SRGAP1: variants seen among roughly 807,000 people sequenced by gnomAD.
SRGAP1 encodes the protein SLIT-ROBO Rho GTPase activating protein 1.
A neutral mutation model predicts 121.9 loss-of-function variants in SRGAP1; 43 were observed. The ratio of observed to expected loss-of-function variants is 0.35; its 90% CI spans 0.28 to 0.46. The LOEUF (loss-of-function observed/expected upper bound fraction) is 0.46. SRGAP1 is among the 20% of genes least tolerant of loss of function. The probability of loss-of-function intolerance (pLI) is 1.00; values close to 1 mark genes in which losing one functional copy is unlikely to be tolerated. For missense variants in SRGAP1, 1,102 were observed against 1,350.9 expected (o/e 0.82, Z 2.89); for synonymous variants, 447 against 485.4 (o/e 0.92, Z 1.04).
At chr12:64,136,346 G>T (rs1257377026) in intron 21 of SRGAP1, among the ~76,000 whole-genome samples, 4 of 152,276 alleles carry the variant, frequency 2.6e-5, no homozygotes, top group African/African-American at 9.6e-5. Flanking sequence ...CAGCCAGGGT[G>T]ACAGACCAAG....
In SRGAP1 at chr12:64,078,930, G is replaced by A. The variant is rs61756190; in HGVS notation, c.1137G>A (p.Thr379=). The A allele has an allele frequency of 1.6e-3, 2,518 of 1,613,380 alleles. 35 individuals carry two copies. In the African/African-American group the frequency reaches 0.029, roughly 18 times the overall value. ...LKIENEEVKK[T]TEATLQTIQD... ...ATTTCTATTCCCAGGTTAAGAAAAC[G>A]ACTGAAGCCACCTTGCAGACGATAC... The change falls in exon 9 of 22, where the codon ACG becomes ACA. Residue 379 remains threonine, a synonymous_variant. Coordinates refer to ENST00000355086, the MANE Select transcript of SRGAP1 (RefSeq NM_020762.4).
chr12:63,861,579 A>C (rs1250880749), intron 1 of SRGAP1, among the ~76,000 whole-genome samples: 1 of 152,242 alleles, frequency 6.6e-6, no homozygotes, highest in Admixed American at 6.5e-5. Flanking sequence ...GAATACAGGC[A>C]TGAACCACTG....
rs1189047004 is a variant in SRGAP1 at position 64,120,086 on chromosome 12, T to C, written c.2224+4193T>C. Among the ~76,000 whole-genome samples the C allele has an allele frequency of 2.6e-5, 4 of 152,172 alleles. No homozygotes were observed. In the East Asian group the frequency reaches 7.7e-4, roughly 29 times the overall value. On this transcript the variant is annotated intron_variant, in intron 18 of 21. Coordinates refer to ENST00000355086, the MANE Select transcript of SRGAP1 (RefSeq NM_020762.4). Reference sequence around the variant, plus strand: ...GTGCCCAGCCTTTAAATATTATTTCTTTCTACAAGTTGTATTTGATGTGCT... The same window carrying C: ...GTGCCCAGCCTTTAAATATTATTTCCTTCTACAAGTTGTATTTGATGTGCT...
intron 1 of SRGAP1, among the ~76,000 whole-genome samples, chr12:63,963,463 G>A (rs928943003): frequency 5.9e-5 from 9 of 152,290 alleles, no homozygotes; most frequent in African/African-American, 2.2e-4. Context: ...ATTTTGATAT[G>A]TGTGTACAAT....
At chr12:63,924,433 C>T (rs2031182912) in intron 1 of SRGAP1, among the ~76,000 whole-genome samples, 1 of 152,162 alleles carries the variant, frequency 6.6e-6, no homozygotes, top group African/African-American at 2.4e-5. Context: ...TGTGATTATT[C>T]TTCCTTTGTT....
chr12:63,936,327 TC>T lies in SRGAP1; in HGVS notation c.68-47616del, dbSNP rs1459891312. On this transcript the variant is annotated intron_variant, in intron 1 of 21. Coordinates refer to ENST00000355086, the MANE Select transcript of SRGAP1 (RefSeq NM_020762.4). ...ATTACTGCATCAGAGACAAGTTGCC[TC>T]CCCAGTAAGCATATTCCCTTTCTAT... Among the ~76,000 whole-genome samples the T allele has an allele frequency of 1.7e-4, 26 of 152,280 alleles. No homozygotes were observed. In the East Asian group the frequency reaches 4.8e-3, roughly 28 times the overall value.
chr12:64,141,406 C>G (rs2036961144), intron 21 of SRGAP1, among the ~76,000 whole-genome samples: 2 of 151,754 alleles, frequency 1.3e-5, no homozygotes, highest in South Asian at 2.1e-4. Flanking sequence ...ATGGTGAAAC[C>G]CCGTCTCTAG....
intron 4 of SRGAP1, chr12:64,038,649 A>C (rs551397136): frequency 1.3e-5 from 2 of 152,364 alleles, no homozygotes; most frequent in African/African-American, 4.8e-5. Flanking sequence ...AGTAAGAAAA[A>C]AATATTAACT....
At chr12:64,132,002 C>T (rs866659035) in intron 21 of SRGAP1, among the ~76,000 whole-genome samples, 1 of 152,118 alleles carries the variant, frequency 6.6e-6, no homozygotes, top group African/African-American at 2.4e-5. Flanking sequence ...TGGTGAAACC[C>T]GATCTCTACT....
At chr12:63,981,579 C>A (rs937589386) in intron 1 of SRGAP1, among the ~76,000 whole-genome samples, 1 of 152,208 alleles carries the variant, frequency 6.6e-6, no homozygotes. Flanking sequence ...GGCAAACATG[C>A]TGATTATAAT....
At chr12:63,899,977 A>C (rs1341497812) in intron 1 of SRGAP1, among the ~76,000 whole-genome samples, 3 of 152,180 alleles carry the variant, frequency 2.0e-5, no homozygotes, top group Non-Finnish European at 2.9e-5. Context: ...TACTGTCAAA[A>C]AACTTTCTAG....
intron 4 of SRGAP1, among the ~76,000 whole-genome samples, chr12:64,041,606 T>C (rs1427518036): frequency 6.6e-6 from 1 of 151,656 alleles, no homozygotes; most frequent in Non-Finnish European, 1.5e-5. Flanking sequence ...GGTCTCAAAC[T>C]CTTAGTTAGG....
Position 63,951,360 on chromosome 12 carries a change from C to T in SRGAP1, c.68-32587C>T, listed in dbSNP as rs554441354. Among the ~76,000 whole-genome samples, 232 of 151,982 alleles carry T rather than the reference C, an allele frequency of 1.5e-3. 1 individual carries two copies. The highest frequency in any genetic ancestry group is 5.2e-3 in the African/African-American group (214 of 41,446). The stretch of plus-strand genomic sequence containing the variant: ...TGTATTTTTAGTAGAGACGAGGTTT[C>T]GCCATGTTGGCCAGGCTGGTCTCGA... On this transcript the variant is annotated intron_variant, in intron 1 of 21. Transcript: ENST00000355086.
At chr12:64,107,171 G>T (rs755560399) in intron 15 of SRGAP1, among the ~76,000 whole-genome samples, 2 of 152,020 alleles carry the variant, frequency 1.3e-5, no homozygotes, top group African/African-American at 4.8e-5. Flanking sequence ...TAGATTTTTC[G>T]TACCTTTTCA....
chr12:63,898,857 G>A (rs534006928), intron 1 of SRGAP1, among the ~76,000 whole-genome samples: 3 of 152,240 alleles, frequency 2.0e-5, no homozygotes, highest in Non-Finnish European at 2.9e-5. Flanking sequence ...GAAACCTCAC[G>A]TGTTTGCCTT....
At chr12:64,051,710 G>T (rs1438086670) in intron 6 of SRGAP1, among the ~76,000 whole-genome samples, 1 of 151,988 alleles carries the variant, frequency 6.6e-6, no homozygotes, top group Admixed American at 6.6e-5. Context: ...ATTTTTATCT[G>T]TTTGAGATAA....
At chr12:64,003,241 C>G (rs1317149489) in intron 3 of SRGAP1, among the ~76,000 whole-genome samples, 1 of 151,934 alleles carries the variant, frequency 6.6e-6, no homozygotes, top group Non-Finnish European at 1.5e-5. Context: ...TGTACACCAC[C>G]ATGCCCGGCT....
Position 63,989,951 on chromosome 12 carries a change from T to C in SRGAP1, c.305T>C (p.Leu102Ser). 1.2e-6 allele frequency: 2 copies of C among 1,613,536 alleles called. No individual in the cohort carries two copies. Among genetic ancestry groups the C allele is most frequent in the Non-Finnish European group, 1.7e-6 (2 of 1,179,780 alleles). The change falls in exon 3 of 22, where the codon TTG (leucine) becomes TCG (serine). Residue 102 changes from leucine to serine, a missense_variant. Physicochemically the swap from Leu to Ser is moderately radical, Grantham distance 145. Coordinates refer to ENST00000355086, the MANE Select transcript of SRGAP1 (RefSeq NM_020762.4). ...NLLSPVNCWYLLLNQVRRESK... is the reference protein window; with the variant it reads ...NLLSPVNCWYSLLNQVRRESK... ...TTGTCTCCAGTGAACTGCTGGTATT[T>C]GCTCCTGAACCAAGTAAGGAGAGAA...
At chr12:63,928,385 G>A (rs549800721) in intron 1 of SRGAP1, among the ~76,000 whole-genome samples, 120 of 152,280 alleles carry the variant, frequency 7.9e-4, no homozygotes, top group Non-Finnish European at 1.1e-3. Flanking sequence ...AATGTTTATA[G>A]CAGCCTTATT....
Sources: allele counts gnomAD v4.1 joint callset (sites outside exome capture counted in the v4.1 genomes callset), GRCh38; gene constraint gnomAD v4.1.1; transcripts MANE v1.5; gene names NCBI Gene and HGNC (gene_info 2026-07-23, HGNC 2026-07-21).